TMEM232: variants seen among roughly 807,000 people sequenced by gnomAD.
TMEM232 encodes transmembrane protein 232.
A neutral mutation model predicts 78.8 loss-of-function variants in TMEM232; 80 were observed. That is an observed-to-expected ratio of 1.01 (90% CI 0.85 to 1.22). TMEM232 has a LOEUF of 1.22. TMEM232 is among the 50% of genes most tolerant of loss of function. The pLI is 0.00. For synonymous variants in TMEM232, 297 were observed against 254.3 expected, an observed-to-expected ratio of 1.17 and a Z score of -1.60; for missense variants, 881 against 742.2, an observed-to-expected ratio of 1.19 and a Z score of -2.17.
intron 1 of TMEM232, among the ~76,000 whole-genome samples, chr5:110,671,058 G>A (rs113024168): frequency 1.2e-4 from 19 of 152,076 alleles, no homozygotes; most frequent in African/African-American, 4.1e-4. Flanking sequence ...AAAGCAAACC[G>A]ATGAAAGACT....
At chr5:110,610,399 T>C (rs2149851726) in intron 8 of TMEM232, 1 of 203,998 alleles carries the variant, frequency 4.9e-6, no homozygotes, top group African/African-American at 2.3e-5. Context: ...ACATGGGTTT[T>C]CCCACCATAA....
At chr5:110,672,042 G>GA (rs945009973) in intron 1 of TMEM232, among the ~76,000 whole-genome samples, 106 of 152,058 alleles carry the variant, frequency 7.0e-4, no homozygotes, top group African/African-American at 2.5e-3. Context: ...CATCCAGAAA[G>GA]AAAAAAAGTA....
chr5:110,525,064 T>C (rs979566917), intron 12 of TMEM232, among the ~76,000 whole-genome samples: 26 of 151,978 alleles, frequency 1.7e-4, no homozygotes, highest in African/African-American at 6.3e-4. Context: ...AACAGCCCAA[T>C]TTTTTAATAT....
intron 1 of TMEM232, among the ~76,000 whole-genome samples, chr5:110,713,749 C>A (rs2150322296): frequency 6.6e-6 from 1 of 152,046 alleles, no homozygotes; most frequent in Non-Finnish European, 1.5e-5. Flanking sequence ...TAAAAAAAAT[C>A]AATCTTCAGA....
chr5:110,731,631 G>A (rs116423960), upstream of TMEM232, among the ~76,000 whole-genome samples: 2,640 of 152,272 alleles, frequency 0.017, 27 homozygotes, highest in Non-Finnish European at 0.029. Context: ...CTCTACACTG[G>A]CCCCTTTCAG....
At chr5:110,390,458 C>T (rs10053293) in exon 4 of TMEM232, 6,293 of 152,302 alleles carry the variant, frequency 0.041, 197 homozygotes, top group Non-Finnish European at 0.058. Flanking sequence ...AGATCTTTTA[C>T]ATGGGAAAAT....
At chr5:110,682,719 A>G (rs766124308) in intron 1 of TMEM232, among the ~76,000 whole-genome samples, 4 of 152,146 alleles carry the variant, frequency 2.6e-5, no homozygotes, top group South Asian at 2.1e-4. Context: ...CTATGACCTC[A>G]GCTTTGAGAT....
chr5:110,652,294 G>GCACGCACACACACACA (rs1554069162), intron 2 of TMEM232, among the ~76,000 whole-genome samples: 11 of 145,452 alleles, frequency 7.6e-5, no homozygotes, highest in African/African-American at 2.8e-4. Flanking sequence ...GCACGCGCGC[G>GCACGCACACACACACA]CACACACACA....
intron 12 of TMEM232, among the ~76,000 whole-genome samples, chr5:110,478,957 A>G (rs968062643): frequency 6.7e-6 from 1 of 148,662 alleles, no homozygotes; most frequent in African/African-American, 2.5e-5. Context: ...GGTAGTGAAA[A>G]GCCATGGATT....
At chr5:110,472,173 T>C (rs1027057548) in intron 12 of TMEM232, among the ~76,000 whole-genome samples, 1 of 151,932 alleles carries the variant, frequency 6.6e-6, no homozygotes, top group African/African-American at 2.4e-5. Flanking sequence ...AAAACTATTA[T>C]AACTAATAAA....
chr5:110,716,699 C>T (rs908327799), intron 1 of TMEM232, among the ~76,000 whole-genome samples: 4 of 152,154 alleles, frequency 2.6e-5, no homozygotes, highest in South Asian at 2.1e-4. Context: ...TAACAGGCCA[C>T]GGCATTAGTC....
At chr5:110,595,745 G>A (rs188411525) in intron 10 of TMEM232, among the ~76,000 whole-genome samples, 1 of 152,172 alleles carries the variant, frequency 6.6e-6, no homozygotes, top group East Asian at 1.9e-4. Flanking sequence ...GAAAAGGAAT[G>A]AACAAAACCC....
intron 1 of TMEM232, among the ~76,000 whole-genome samples, chr5:110,695,071 A>G (rs1794609551): frequency 6.6e-6 from 1 of 152,236 alleles, no homozygotes; most frequent in South Asian, 2.1e-4. Context: ...TCCTCAGCAA[A>G]TGTAAAAGAA....
At chr5:110,533,450 T>TA (rs1771855291) in intron 11 of TMEM232, among the ~76,000 whole-genome samples, 1 of 152,212 alleles carries the variant, frequency 6.6e-6, no homozygotes, top group Non-Finnish European at 1.5e-5. Context: ...AACTTGGACT[T>TA]ACTGTTTTAG....
intron 12 of TMEM232, among the ~76,000 whole-genome samples, chr5:110,526,258 G>C (rs933631973): frequency 6.6e-6 from 1 of 150,628 alleles, no homozygotes; most frequent in Non-Finnish European, 1.5e-5. Flanking sequence ...GCAAAAAAAT[G>C]CTATAAGCAA....
intron 10 of TMEM232, among the ~76,000 whole-genome samples, chr5:110,599,771 T>C (rs189190670): frequency 1.3e-3 from 200 of 152,106 alleles, no homozygotes; most frequent in African/African-American, 4.7e-3. Flanking sequence ...GACAGGAAAT[T>C]AACAAGGATA....
At chr5:110,604,410 A>G (rs905481722) in intron 10 of TMEM232, among the ~76,000 whole-genome samples, 5 of 152,098 alleles carry the variant, frequency 3.3e-5, no homozygotes, top group African/African-American at 1.2e-4. Flanking sequence ...TGAATATTAT[A>G]CTAGAATATT....
At chr5:110,725,642 T>C (rs1007424078) in intron 1 of TMEM232, 1 of 152,198 alleles carries the variant, frequency 6.6e-6, no homozygotes, top group Non-Finnish European at 1.5e-5. Context: ...GTTTATACTT[T>C]AAAGAGAAAT....
At chr5:110,658,225 C>T (rs1413052948) in intron 2 of TMEM232, among the ~76,000 whole-genome samples, 2 of 152,072 alleles carry the variant, frequency 1.3e-5, no homozygotes, top group African/African-American at 2.4e-5. Flanking sequence ...TCCTGATACC[C>T]GTGTGATTGA....
Sources: allele counts gnomAD v4.1 joint callset (sites outside exome capture counted in the v4.1 genomes callset), GRCh38; gene constraint gnomAD v4.1.1; transcripts MANE v1.5; gene names NCBI Gene and HGNC (gene_info 2026-07-23, HGNC 2026-07-21).